Variants in TSPAN5 observed in about 807,000 individuals in gnomAD.
The protein encoded by TSPAN5 is tetraspanin-5.
Under a neutral mutation model 37.1 loss-of-function variants are expected in TSPAN5, and 10 were observed. The observed-to-expected ratio is 0.27, with a 90% confidence interval of 0.17 to 0.46. The LOEUF is 0.46. TSPAN5 is among the 20% of genes least tolerant of loss of function. The pLI is 1.00. For missense variants in TSPAN5, 195 were observed against 326.6 expected (o/e 0.60, Z 3.11); for synonymous variants, 110 against 118.9 (o/e 0.93, Z 0.48).
intron 1 of TSPAN5, among the ~76,000 whole-genome samples, chr4:98,534,049 C>A (rs1310064337): frequency 7.2e-6 from 1 of 139,496 alleles, no homozygotes; most frequent in Non-Finnish European, 1.5e-5. Flanking sequence ...TATTTCTTGT[C>A]TTCTGCTAGC....
intron 1 of TSPAN5, among the ~76,000 whole-genome samples, chr4:98,604,194 G>C (rs1052339124): frequency 6.6e-6 from 1 of 151,942 alleles, no homozygotes; most frequent in Non-Finnish European, 1.5e-5. Context: ...TCATCACTCC[G>C]GGAAATGAAG....
intron 1 of TSPAN5, among the ~76,000 whole-genome samples, chr4:98,634,488 T>G (rs568339340): frequency 6.6e-6 from 1 of 152,362 alleles, no homozygotes; most frequent in African/African-American, 2.4e-5. Flanking sequence ...TTTCCCCTTT[T>G]GGGGTAAATG....
At chr4:98,622,297 G>A (rs1025128267) in intron 1 of TSPAN5, among the ~76,000 whole-genome samples, 1 of 152,028 alleles carries the variant, frequency 6.6e-6, no homozygotes, top group Admixed American at 6.6e-5. Flanking sequence ...GACTGGTCTC[G>A]AACTCCTGGC....
At chr4:98,607,421 A>T (rs1262636823) in intron 1 of TSPAN5, among the ~76,000 whole-genome samples, 1 of 152,200 alleles carries the variant, frequency 6.6e-6, no homozygotes, top group African/African-American at 2.4e-5. Context: ...GTCTTACCTA[A>T]CGAAAGAATT....
chr4:98,500,904 G>C (rs1009778877), intron 2 of TSPAN5, among the ~76,000 whole-genome samples: 1 of 152,146 alleles, frequency 6.6e-6, no homozygotes, highest in Non-Finnish European at 1.5e-5. Flanking sequence ...GCTAGGTGCT[G>C]TATTAGGGAG....
intron 1 of TSPAN5, among the ~76,000 whole-genome samples, chr4:98,635,859 A>T (rs1019550037): frequency 6.6e-6 from 1 of 152,204 alleles, no homozygotes; most frequent in African/African-American, 2.4e-5. Flanking sequence ...TATTGCCAAC[A>T]AAGAGCTATA....
At chr4:98,657,929 C>G (rs1326750811) in intron 1 of TSPAN5, among the ~76,000 whole-genome samples, 1 of 152,186 alleles carries the variant, frequency 6.6e-6, no homozygotes, top group Non-Finnish European at 1.5e-5. Context: ...GCCCCCTTTC[C>G]GCCTCGATTT....
At chr4:98,611,801 C>T (rs80351021) in intron 1 of TSPAN5, among the ~76,000 whole-genome samples, 2,180 of 152,342 alleles carry the variant, frequency 0.014, 56 homozygotes, top group African/African-American at 0.05. Context: ...AAGAAATGGG[C>T]CTGGTGATTT....
At chr4:98,504,922 C>T (rs1315223744) in intron 2 of TSPAN5, among the ~76,000 whole-genome samples, 1 of 152,124 alleles carries the variant, frequency 6.6e-6, no homozygotes, top group Non-Finnish European at 1.5e-5. Context: ...GCTGGGAAGT[C>T]CATGATCAAG....
Position 98,472,404 on chromosome 4 carries a change from G to T in TSPAN5, c.*118C>A. Reference sequence around the variant, plus strand: ...ACTCCCCTAATGGCAGCTCCATTAGGCGAGACTGCAGGCTGCATCTGTGAT... The same window carrying T: ...ACTCCCCTAATGGCAGCTCCATTAGTCGAGACTGCAGGCTGCATCTGTGAT... On this transcript the variant is annotated 3_prime_UTR_variant, in exon 8 of 8. Transcript: ENST00000305798. 1.3e-6 allele frequency: 1 copy of T among 787,978 alleles called. No individual in the cohort carries two copies. Among genetic ancestry groups the T allele is most frequent in the Non-Finnish European group, 2.1e-6 (1 of 486,472 alleles). The allele number at this position is 787,978 out of a possible 1,614,324, so 48.8% of individuals were successfully genotyped here. A position where few individuals can be genotyped will look rare whatever the true frequency, so the allele number is the denominator to read the frequency against.
intron 1 of TSPAN5, among the ~76,000 whole-genome samples, chr4:98,523,410 T>C (rs1753896840): frequency 6.6e-6 from 1 of 152,222 alleles, no homozygotes; most frequent in Admixed American, 6.5e-5. Context: ...TTCAGATGAA[T>C]ATTAAAAAAT....
chr4:98,476,079 G>A lies in TSPAN5; in HGVS notation c.741+110C>T, dbSNP rs547781444. The A allele has an allele frequency of 1.1e-5, 8 of 759,298 alleles. No individual in the cohort carries two copies. In the African/African-American group the frequency reaches 1.4e-4, roughly 13 times the overall value. 47.0% of individuals were successfully genotyped at this position (759,298 alleles called of 1,614,324 possible). On this transcript the variant is annotated intron_variant, in intron 7 of 7. Transcript: ENST00000305798. ...TAGGTCTGTTCCTCAGCCCTCCAAT[G>A]TGTCTTAAAAACTATGACAATCAAG...
At chr4:98,615,325 A>C (rs1357733652) in intron 1 of TSPAN5, among the ~76,000 whole-genome samples, 1 of 152,220 alleles carries the variant, frequency 6.6e-6, no homozygotes, top group East Asian at 1.9e-4. Flanking sequence ...ATGACAATAC[A>C]GTACTTTTCC....
chr4:98,654,227 A>G (rs748341427), intron 1 of TSPAN5, among the ~76,000 whole-genome samples: 1 of 152,236 alleles, frequency 6.6e-6, no homozygotes, highest in Admixed American at 6.5e-5. Flanking sequence ...TGGCCAAATC[A>G]CAGAACTGTG....
At chr4:98,543,071 G>A (rs1183069627) in intron 1 of TSPAN5, among the ~76,000 whole-genome samples, 1 of 152,102 alleles carries the variant, frequency 6.6e-6, no homozygotes, top group Non-Finnish European at 1.5e-5. Context: ...CATGCACACA[G>A]CACGAGCAGG....
At chr4:98,568,275 G>A (rs1033054048) in intron 1 of TSPAN5, among the ~76,000 whole-genome samples, 1 of 152,140 alleles carries the variant, frequency 6.6e-6, no homozygotes, top group African/African-American at 2.4e-5. Flanking sequence ...AGGCACGGTG[G>A]TTCCCGCCTG....
chr4:98,632,108 T>C (rs1579044222), intron 1 of TSPAN5, among the ~76,000 whole-genome samples: 1 of 152,128 alleles, frequency 6.6e-6, no homozygotes, highest in African/African-American at 2.4e-5. Flanking sequence ...CCCCTTCCAG[T>C]TGAAAGTCTG....
At chr4:98,621,962 A>G (rs1756491250) in intron 1 of TSPAN5, among the ~76,000 whole-genome samples, 2 of 152,172 alleles carry the variant, frequency 1.3e-5, no homozygotes, top group African/African-American at 4.8e-5. Context: ...TCATTACTTC[A>G]TTCCTTTCTA....
rs556337296 is a variant in TSPAN5 at position 98,511,717 on chromosome 4, C to T, written c.82-3989G>A. Among the ~76,000 whole-genome samples the T allele has an allele frequency of 9.0e-4, 137 of 152,178 alleles. 1 individual carries two copies. The highest frequency in any genetic ancestry group is 6.5e-4 in the Admixed American group (10 of 15,294). On this transcript the variant is annotated intron_variant, in intron 1 of 7. Coordinates refer to ENST00000305798, the MANE Select transcript of TSPAN5 (RefSeq NM_005723.4). ...ATATTTATTATCGATTACATCTTGA[C>T]GTGATAACATTTTGGATATACTGGG... is the stretch of plus-strand genomic sequence containing the variant.
Sources: allele counts gnomAD v4.1 joint callset (sites outside exome capture counted in the v4.1 genomes callset), GRCh38; gene constraint gnomAD v4.1.1; transcripts MANE v1.5; gene names NCBI Gene and HGNC (gene_info 2026-07-23, HGNC 2026-07-21).